Variants in IRF2 observed in about 807,000 individuals in gnomAD.
The protein encoded by IRF2 is interferon regulatory factor 2.
A neutral mutation model predicts 40.6 loss-of-function variants in IRF2; 15 were observed. The observed-to-expected ratio is 0.37, with a 90% CI of 0.25 to 0.57. IRF2 has a LOEUF of 0.57. IRF2 is among the 20% of genes least tolerant of loss of function. The probability of loss-of-function intolerance (pLI) is 0.77; values close to 1 mark genes in which losing one functional copy is unlikely to be tolerated. For synonymous variants in IRF2, 151 were observed against 165.5 expected (o/e 0.91, Z 0.67); for missense variants, 317 against 455.7 (o/e 0.70, Z 2.77).
intron 6 of IRF2, 120 bp from the exon 7 acceptor site, chr4:184,399,199 C>T (rs1736579806): frequency 9.8e-7 from 1 of 1,020,284 alleles, no homozygotes; most frequent in South Asian, 1.7e-5. Flanking sequence ...CCATCTGTCC[C>T]CTGCCATGGG....
chr4:184,405,737 T>G (rs547249451), intron 6 of IRF2, among the ~76,000 whole-genome samples: 2 of 151,944 alleles, frequency 1.3e-5, no homozygotes, highest in African/African-American at 2.4e-5. Context: ...TGAGGGAAGA[T>G]AGGAGGAGCT....
intron 2 of IRF2, among the ~76,000 whole-genome samples, chr4:184,424,901 A>G (rs923635470): frequency 1.3e-5 from 2 of 152,260 alleles, no homozygotes; most frequent in South Asian, 4.1e-4. Context: ...TTATCTTAAC[A>G]GAACAAAAAC....
chr4:184,402,705 T>C (rs1235731457), intron 6 of IRF2, among the ~76,000 whole-genome samples: 1 of 152,142 alleles, frequency 6.6e-6, no homozygotes, highest in Non-Finnish European at 1.5e-5. Flanking sequence ...ATTAATGTTT[T>C]CTAGAAAAAT....
chr4:184,392,119 C>A (rs1159963470), intron 7 of IRF2, among the ~76,000 whole-genome samples: 1 of 152,150 alleles, frequency 6.6e-6, no homozygotes, highest in Non-Finnish European at 1.5e-5. Context: ...CAATGGTGTG[C>A]GATTATTCCA....
rs1739650190 is a variant in IRF2 at position 184,474,477 on chromosome 4, T to A, written c.-105A>T. On this transcript the variant is annotated 5_prime_UTR_variant, in exon 1 of 9. Coordinates refer to ENST00000393593, the MANE Select transcript of IRF2 (RefSeq NM_002199.4). The surrounding 1 kb of genome is among the most constrained non-coding windows in gnomAD (Gnocchi z 5.6). ...AAATGAAAGCCCGTCAGTTGAATAA[T>A]CGCAGGAGCAAAACTAAAAGTTACT... 1 of 152,254 alleles carries A rather than the reference T, an allele frequency of 6.6e-6. No homozygotes were observed. Among genetic ancestry groups the A allele is most frequent in the South Asian group, 2.1e-4 (1 of 4,840 alleles). The allele number at this position is 152,254 out of a possible 1,614,324, so 9.4% of individuals were successfully genotyped here.
At chr4:184,473,257 G>A (rs1167365474) in intron 1 of IRF2, among the ~76,000 whole-genome samples, 1 of 150,684 alleles carries the variant, frequency 6.6e-6, no homozygotes, top group Non-Finnish European at 1.5e-5. Flanking sequence ...CCCCGCCGCG[G>A]CCCGCGCCCC....
intron 2 of IRF2, among the ~76,000 whole-genome samples, chr4:184,423,835 AAC>A (rs1289049140): frequency 6.6e-6 from 1 of 152,212 alleles, no homozygotes; most frequent in African/African-American, 2.4e-5. Flanking sequence ...ATAAACACCA[AAC>A]ACAACCTGTG....
rs2149889263 is a variant in IRF2 at position 184,388,864 on chromosome 4, G to A, written c.944C>T (p.Ser315Phe). ...GCTGCTGGATGCTGGGGTCATGGAGGAAGAAAGGGGGAGGTCTTGAAAAGG... is the reference window on the plus strand; with the variant it reads ...GCTGCTGGATGCTGGGGTCATGGAGAAAGAAAGGGGGAGGTCTTGAAAAGG... ...WPPFQDLPLS[S>F]SMTPASSSSR... Residue 315 changes from serine (S) to phenylalanine (F), a missense_variant, in exon 9 of 9, where the codon TCC (serine) becomes TTC (phenylalanine). This residue lies in a region of IRF2 where 262 missense variants were observed against 334.0 expected (regional missense o/e 0.78). Transcript: ENST00000393593. This position sits in a 1 kb window ranked among gnomAD's most constrained non-coding sequence, Gnocchi z 4.6. 1.9e-6 allele frequency: 3 copies of A among 1,614,098 alleles called. No homozygotes were observed. The highest frequency in any genetic ancestry group is 2.5e-6 in the Non-Finnish European group (3 of 1,180,030).
At chr4:184,418,487 T>C (rs17488241) in intron 4 of IRF2, 45 bp downstream of exon 4, 122,146 of 1,556,186 alleles carry the variant, frequency 0.078, 5,521 homozygotes, top group Non-Finnish European at 0.089. Context: ...GAAGGCACGA[T>C]GACACAAATT....
intron 5 of IRF2, among the ~76,000 whole-genome samples, chr4:184,412,504 T>G (rs1737114326): frequency 6.6e-6 from 1 of 152,154 alleles, no homozygotes; most frequent in South Asian, 2.1e-4. Context: ...GCCAGTCTCT[T>G]TGAAGCCAGA....
chr4:184,427,931 G>A (rs1737728691), intron 2 of IRF2, among the ~76,000 whole-genome samples: 1 of 152,170 alleles, frequency 6.6e-6, no homozygotes, highest in Non-Finnish European at 1.5e-5. Context: ...AAAAGGCATT[G>A]ACTCAGAACT....
chr4:184,409,084 C>A (rs1050236390), intron 5 of IRF2, among the ~76,000 whole-genome samples: 1 of 152,176 alleles, frequency 6.6e-6, no homozygotes, highest in Non-Finnish European at 1.5e-5. Flanking sequence ...ACGTTCAGCT[C>A]TCAAGGTAAG....
At chr4:184,395,590 T>G (rs889193799) in intron 7 of IRF2, among the ~76,000 whole-genome samples, 2 of 152,218 alleles carry the variant, frequency 1.3e-5, no homozygotes, top group African/African-American at 4.8e-5. Context: ...TTATACAATT[T>G]CTGACGGAGG....
chr4:184,451,122 C>T (rs1349412002), intron 1 of IRF2, among the ~76,000 whole-genome samples: 6 of 152,118 alleles, frequency 3.9e-5, no homozygotes, highest in Non-Finnish European at 8.8e-5. Flanking sequence ...GTTTAGATTC[C>T]ATGGTACTTG....
At chr4:184,439,519 T>G (rs945821847) in intron 1 of IRF2, among the ~76,000 whole-genome samples, 104 of 152,220 alleles carry the variant, frequency 6.8e-4, no homozygotes, top group African/African-American at 2.5e-3. Context: ...CATCTCCAGT[T>G]GAGTCATGGG....
chr4:184,437,087 G>A (rs1035262508), intron 1 of IRF2, among the ~76,000 whole-genome samples: 2 of 151,834 alleles, frequency 1.3e-5, no homozygotes, highest in African/African-American at 4.8e-5. Flanking sequence ...ATGGAGTCTC[G>A]CTCTGTCACC....
At chr4:184,428,942 CCT>C in intron 2 of IRF2, 34 bp downstream of exon 2, 2 of 1,528,920 alleles carry the variant, frequency 1.3e-6, no homozygotes, top group Middle Eastern at 1.7e-4. Context: ...TCAGCCAGGA[CCT>C]CTCTCACACA....
At chr4:184,416,644 C>G (rs925209592) in intron 5 of IRF2, among the ~76,000 whole-genome samples, 2 of 152,088 alleles carry the variant, frequency 1.3e-5, no homozygotes, top group Non-Finnish European at 2.9e-5. Context: ...TTTTACAGAG[C>G]ACTTATCTTT....
Position 184,408,323 on chromosome 4 carries a change from C to T in IRF2, c.412-48G>A, listed in dbSNP as rs1457042715. On this transcript the variant is annotated intron_variant, in intron 5 of 8. Coordinates refer to ENST00000393593, the MANE Select transcript of IRF2 (RefSeq NM_002199.4). This position sits in a 1 kb window ranked among gnomAD's most constrained non-coding sequence, Gnocchi z 4.9. ...GAATTGAGAACACTTCCTTTCCCCT[C>T]CCTTCTCTTAGCTGAAATTCTACCC... The T allele has an allele frequency of 8.6e-7, 1 of 1,164,932 alleles. No homozygotes were observed. Among genetic ancestry groups the T allele is most frequent in the East Asian group, 2.3e-5 (1 of 42,812 alleles). 72.2% of individuals were successfully genotyped at this position (1,164,932 alleles called of 1,614,324 possible).
Sources: allele counts gnomAD v4.1 joint callset (sites outside exome capture counted in the v4.1 genomes callset), GRCh38; gene constraint gnomAD v4.1.1; regional missense constraint gnomAD v4.1.1; non-coding constraint Gnocchi (gnomAD v3.1); transcripts MANE v1.5; gene names NCBI Gene and HGNC (gene_info 2026-07-23, HGNC 2026-07-21).